The following CARD10 variants were observed in gnomAD, a reference collection of about 807,000 sequenced individuals.
CARD10 encodes the protein caspase recruitment domain-containing protein 10.
A neutral mutation model predicts 114.6 loss-of-function variants in CARD10; 49 were observed. The observed-to-expected ratio is 0.43, with a 90% CI of 0.34 to 0.54. The LOEUF is 0.54. Ranked by LOEUF, CARD10 falls within the 20% of genes least tolerant of loss-of-function variation. The pLI is 0.03. For synonymous variants in CARD10, 602 were observed against 593.2 expected, an observed-to-expected ratio of 1.01 and a Z score of -0.21; for missense variants, 1,206 against 1,397.2, an observed-to-expected ratio of 0.86 and a Z score of 2.18.
chr22:37,516,149 G>A lies in CARD10; in HGVS notation c.523C>T (p.Leu175=). 1 of 1,595,194 alleles carries A rather than the reference G, an allele frequency of 6.3e-7. No individual in the cohort carries two copies. Among genetic ancestry groups the A allele is most frequent in the Non-Finnish European group, 8.5e-7 (1 of 1,171,476 alleles). ...EEERAGLEQR[L]RDQQQAQERC... The stretch of plus-strand genomic sequence containing the variant: ...TCCTGAGCCTGCTGCTGGTCCCGCA[G>A]CCGCTGCTCCAGCCCTGCCCGCTCC... The change falls in exon 3 of 20, where the codon CTG becomes TTG. Residue 175 remains leucine (L), a synonymous_variant. Transcript: ENST00000251973.
Position 37,495,667 on chromosome 22 carries a change from G to A in CARD10, c.2304-81C>T. 7 of 1,609,626 alleles carry A rather than the reference G, an allele frequency of 4.3e-6. No individual in the cohort carries two copies. The South Asian group carries it at 5.5e-5, about 13-fold the overall frequency. On this transcript the variant is annotated intron_variant, in intron 14 of 19. Coordinates refer to ENST00000251973, the MANE Select transcript of CARD10 (RefSeq NM_014550.4). ...CTCGAACCCCCCGCCCTGTCCCAGA[G>A]GATGGTGAGGGAATGCAGGTGGAGG...
chr22:37,506,710 C>T (rs1023822233), intron 6 of CARD10, among the ~76,000 whole-genome samples: 1 of 152,150 alleles, frequency 6.6e-6, no homozygotes, highest in African/African-American at 2.4e-5. Flanking sequence ...TTCCACGAGA[C>T]CTGCTGTGTG....
At position 37,506,170 on chromosome 22, in the gene CARD10, T is replaced by TTCCTGCCAGGACCC. The variant is rs763140608; in HGVS notation, c.1383+21_1383+22insGGGTCCTGGCAGGA. 55 of 1,432,044 alleles carry TTCCTGCCAGGACCC rather than the reference T, an allele frequency of 3.8e-5. 1 individual carries two copies. In the Middle Eastern group the frequency reaches 6.6e-4, roughly 17 times the overall value. 88.7% of individuals were successfully genotyped at this position (1,432,044 alleles called of 1,614,324 possible). A position where few individuals can be genotyped will look rare whatever the true frequency, so the allele number is the denominator to read the frequency against. ...GGACCCCAGCCTTCCTGCCAGGACC[T>TTCCTGCCAGGACCC]CCACAATCTTGACCCGCTCACCTTG... is the stretch of plus-strand genomic sequence containing the variant. On this transcript the variant is annotated intron_variant, in intron 7 of 19. Coordinates refer to ENST00000251973, the MANE Select transcript of CARD10 (RefSeq NM_014550.4).
chr22:37,519,370 C>G lies in CARD10; in HGVS notation c.-170G>C. The stretch of plus-strand genomic sequence containing the variant: ...CGCACGCTACAGTCGCCTCGGGCTC[C>G]CGGGTCCGCACTCGGGCGGCGGCTC... On this transcript the variant is annotated 5_prime_UTR_variant, in exon 1 of 20. Coordinates refer to ENST00000251973, the MANE Select transcript of CARD10 (RefSeq NM_014550.4). The surrounding 1 kb of genome is among the most constrained non-coding windows in gnomAD (Gnocchi z 4.1). 8.2e-7 allele frequency: 1 copy of G among 1,225,734 alleles called. No individual in the cohort carries two copies. Among genetic ancestry groups the G allele is most frequent in the Non-Finnish European group, 1.0e-6 (1 of 984,412 alleles). The allele number at this position is 1,225,734 out of a possible 1,614,324, so 75.9% of individuals were successfully genotyped here.
rs1050530659 is a variant in CARD10, at chr22:37,519,201, G to A, written c.-1C>T. On this transcript the variant is annotated 5_prime_UTR_variant, in exon 1 of 20. Transcript: ENST00000251973. This position sits in a 1 kb window ranked among gnomAD's most constrained non-coding sequence, Gnocchi z 4.1. ...CCCCCGCCTCCGCCCGGCCCGGCATGGCCGTGTCCTCAGGGTCTGCGGGCA... is the reference window on the plus strand; with the variant it reads ...CCCCCGCCTCCGCCCGGCCCGGCATAGCCGTGTCCTCAGGGTCTGCGGGCA... The A allele has an allele frequency of 4.6e-6, 7 of 1,523,526 alleles. No individual in the cohort carries two copies. Among genetic ancestry groups the A allele is most frequent in the Admixed American group, 4.0e-5 (2 of 50,552 alleles). The allele number at this position is 1,523,526 out of a possible 1,614,324, so 94.4% of individuals were successfully genotyped here.
chr22:37,492,755 C>T lies in CARD10; in HGVS notation c.2524G>A (p.Val842Met), dbSNP rs1303804777. 1 of 1,612,870 alleles carries T rather than the reference C, an allele frequency of 6.2e-7. No individual in the cohort carries two copies. The highest frequency in any genetic ancestry group is 8.5e-7 in the Non-Finnish European group (1 of 1,179,914). Residue 842 changes from valine to methionine, a missense_variant, in exon 17 of 20, where the codon GTG becomes ATG. Physicochemically the swap from Val to Met is conservative, Grantham distance 21. Around this residue, in one of 2 missense-constraint regions of CARD10, gnomAD observed 1,068 missense variants for 1,179.1 expected, o/e 0.91. Transcript: ENST00000251973. The surrounding 1 kb of genome is among the most constrained non-coding windows in gnomAD (Gnocchi z 5.7). ...AGCACCACGGGCCGCAGGGCAGACA[C>T]CAGTAGCGGCCGCACCAAACTGTAG... The part of the protein sequence containing the change: ...RPYSLVRPLL[V>M]SALRPVVLLP...
intron 3 of CARD10, among the ~76,000 whole-genome samples, chr22:37,511,143 G>A (rs113035574): frequency 0.019 from 2,811 of 150,326 alleles, 98 homozygotes; most frequent in African/African-American, 0.065. Flanking sequence ...AGGCCGAGGC[G>A]GGCAGATGGA....
rs758075254 is a variant in CARD10 at position 37,515,973 on chromosome 22, C to A, written c.699G>T (p.Ala233=). The A allele has an allele frequency of 1.9e-6, 3 of 1,570,454 alleles. No homozygotes were observed. The highest frequency in any genetic ancestry group is 2.3e-4 in the Middle Eastern group (1 of 4,390). ...CCCGACCCATCTCCCCAGGGCCTAC[C>A]GCCAGCTGCAGGTCACGGCTGCGAA... is the stretch of plus-strand genomic sequence containing the variant. ...AVLRSRDLQL[A]VDQLKLKVSR... Residue 233 remains alanine, a splice_region_variant and synonymous_variant, in exon 3 of 20, where the codon GCG becomes GCT. Transcript: ENST00000251973.
In CARD10 at chr22:37,496,483, C is replaced by T; in HGVS notation, c.2025G>A (p.Gln675=). 6.2e-7 allele frequency: 1 copy of T among 1,613,842 alleles called. No homozygotes were observed. Among genetic ancestry groups the T allele is most frequent in the Non-Finnish European group, 8.5e-7 (1 of 1,179,890 alleles). Residue 675 remains glutamine, a synonymous_variant, in exon 13 of 20, where the codon CAG becomes CAA. Transcript: ENST00000251973. The surrounding 1 kb of genome is among the most constrained non-coding windows in gnomAD (Gnocchi z 4.1). ...EAQQRTLLWN[Q]GSTLPSLMDS... ...CCATCAGGGAGGGGAGTGTGGACCCCTGATTCCAGAGCAAGGTTCTCTGCT... is the reference window on the plus strand; with the variant it reads ...CCATCAGGGAGGGGAGTGTGGACCCTTGATTCCAGAGCAAGGTTCTCTGCT...
rs762662124 is a variant in CARD10 at position 37,491,811 on chromosome 22, C to G, written c.2808G>C (p.Glu936Asp). The change falls in exon 19 of 20, where the codon GAG becomes GAC. Residue 936 changes from glutamate (E) to aspartate (D), a missense_variant. By Grantham distance (45) the Glu-to-Asp change is conservative (BLOSUM62 2). Around this residue, in one of 2 missense-constraint regions of CARD10, gnomAD observed 1,068 missense variants for 1,179.1 expected, o/e 0.91. Coordinates refer to ENST00000251973, the MANE Select transcript of CARD10 (RefSeq NM_014550.4). ...ARGVRELVQN[E>D]IYPIVIHVEV... ...CCACGTGGATGACGATGGGGTAGAT[C>G]TCGTTCTGCACCAGCTCCCGCACAC... 67 of 1,479,040 alleles carry G rather than the reference C, an allele frequency of 4.5e-5. No homozygotes were observed. The highest frequency in any genetic ancestry group is 6.0e-5 in the Non-Finnish European group (66 of 1,096,178). 91.6% of individuals were successfully genotyped at this position (1,479,040 alleles called of 1,614,324 possible).
At chr22:37,504,374 G>T in intron 8 of CARD10, 73 bp from the exon 9 acceptor site, 3 of 1,193,202 alleles carry the variant, frequency 2.5e-6, no homozygotes, top group Non-Finnish European at 3.5e-6. Flanking sequence ...CACCTGGTTT[G>T]TGCCCATTCC....
At chr22:37,511,959 C>T (rs1013276181) in intron 3 of CARD10, 1 of 152,176 alleles carries the variant, frequency 6.6e-6, no homozygotes, top group Non-Finnish European at 1.5e-5. Context: ...TAAAATGGGC[C>T]CAGTCAATCC....
Position 37,491,246 on chromosome 22 carries a change from C to A in CARD10, c.3012G>T (p.Val1004=). ...CCTGCTCCTGCAGGATGCGGCCGCG[C>A]ACCACCTTGGCCAGCTCCTCTGCGT... ...WGHAEELAKV[V]RGRILQEQAR... is the part of the protein sequence containing the mutation. The change falls in exon 20 of 20, where the codon GTG becomes GTT. Residue 1004 remains valine (V), a synonymous_variant. Transcript: ENST00000251973. 1 of 1,567,082 alleles carries A rather than the reference C, an allele frequency of 6.4e-7. No homozygotes were observed. Among genetic ancestry groups the A allele is most frequent in the Non-Finnish European group, 8.6e-7 (1 of 1,161,354 alleles).
chr22:37,493,079 A>G (rs1922866166), intron 16 of CARD10, among the ~76,000 whole-genome samples: 1 of 152,120 alleles, frequency 6.6e-6, no homozygotes, highest in African/African-American at 2.4e-5. Flanking sequence ...CCCTGCTTTC[A>G]ACACACCAGT....
chr22:37,490,977 T>C lies in CARD10; in HGVS notation c.*182A>G. 1 of 593,120 alleles carries C rather than the reference T, an allele frequency of 1.7e-6. No individual in the cohort carries two copies. Among genetic ancestry groups the C allele is most frequent in the South Asian group, 2.0e-5 (1 of 48,826 alleles). 36.7% of individuals were successfully genotyped at this position (593,120 alleles called of 1,614,324 possible). ...CAAGTAGAGGGGAGTGGGCACTCTGTCCCGGGACTCCCATAGGCTCGGCAG... is the reference window on the plus strand; with the variant it reads ...CAAGTAGAGGGGAGTGGGCACTCTGCCCCGGGACTCCCATAGGCTCGGCAG... On this transcript the variant is annotated 3_prime_UTR_variant, in exon 20 of 20. Coordinates refer to ENST00000251973, the MANE Select transcript of CARD10 (RefSeq NM_014550.4).
chr22:37,510,804 G>A (rs2145771717), intron 3 of CARD10, among the ~76,000 whole-genome samples: 1 of 152,324 alleles, frequency 6.6e-6, no homozygotes, highest in African/African-American at 2.4e-5. Flanking sequence ...GCCAGGCACA[G>A]TGGCTCACGC....
chr22:37,512,355 G>C (rs968325116), intron 3 of CARD10: 1 of 152,040 alleles, frequency 6.6e-6, no homozygotes, highest in Non-Finnish European at 1.5e-5. Flanking sequence ...ATGACTTCTG[G>C]TGCTACAGTC....
Position 37,510,375 on chromosome 22 carries a change from G to C in CARD10, c.746C>G (p.Ala249Gly). The C allele has an allele frequency of 6.2e-7, 1 of 1,613,436 alleles. No homozygotes were observed. Among genetic ancestry groups the C allele is most frequent in the South Asian group, 1.1e-5 (1 of 91,074 alleles). ...CGGGCCCCTGGCCCTTCGAAGCAGTGCACACTCTTCCTCCAGCCGACTCAC... is the reference window on the plus strand; with the variant it reads ...CGGGCCCCTGGCCCTTCGAAGCAGTCCACACTCTTCCTCCAGCCGACTCAC... Reference protein sequence around the residue: ...LKVSRLEEECALLRRARGPPP... With the variant: ...LKVSRLEEECGLLRRARGPPP... The change falls in exon 4 of 20, where the codon GCA becomes GGA. Residue 249 changes from alanine (A) to glycine (G), a missense_variant. By Grantham distance (60) the Ala-to-Gly change is moderately conservative. This residue lies in a region of CARD10 where 1,068 missense variants were observed against 1,179.1 expected (regional missense o/e 0.91). Coordinates refer to ENST00000251973, the MANE Select transcript of CARD10 (RefSeq NM_014550.4).
chr22:37,505,623 G>C (rs1923378190), intron 7 of CARD10, among the ~76,000 whole-genome samples: 1 of 148,262 alleles, frequency 6.7e-6, no homozygotes, highest in Admixed American at 6.8e-5. Flanking sequence ...GGGTGATACA[G>C]CAAGATTCTG....
Sources: gnomAD v4.1 joint callset for allele counts (sites outside exome capture counted in the v4.1 genomes callset) on GRCh38, gnomAD v4.1.1 for gene constraint, gnomAD v4.1.1 regional missense constraint, Gnocchi (gnomAD v3.1) non-coding constraint, MANE v1.5 for transcripts, NCBI Gene and HGNC (gene_info 2026-07-23, HGNC 2026-07-21) for gene names.